The following STEAP1 variants were observed in gnomAD, a reference collection of about 807,000 sequenced individuals.
STEAP1 encodes the protein STEAP family member 1.
STEAP1 carries 30 observed loss-of-function variants against 34.4 expected under a neutral mutation model. The ratio of observed to expected loss-of-function variants is 0.87; its 90% CI spans 0.65 to 1.18. The LOEUF is 1.18. Among genes scored for constraint, STEAP1 ranks in the 50% most tolerant of loss-of-function variants. The pLI is 0.00. For missense variants in STEAP1, 318 were observed against 391.1 expected, an observed-to-expected ratio of 0.81 and a Z score of 1.58; for synonymous variants, 116 against 135.3, an observed-to-expected ratio of 0.86 and a Z score of 0.99.
rs772759291 is a variant in STEAP1, at chr7:90,161,040, A to G, written c.320A>G (p.Tyr107Cys). The change falls in exon 3 of 5, where the codon TAT (tyrosine) becomes TGT (cysteine). Residue 107 changes from tyrosine to cysteine, a missense_variant. Transcript: ENST00000297205. Reference protein sequence around the residue: ...PLATSHQQYFYKIPILVINKV... With the variant: ...PLATSHQQYFCKIPILVINKV... ...GCAACTTCCCATCAACAATATTTTT[A>G]TAAAATTCCAATCCTGGTCATCAAC... The G allele has an allele frequency of 7.4e-6, 12 of 1,614,008 alleles. 1 individual carries two copies. In the South Asian group the frequency reaches 9.9e-5, roughly 13 times the overall value.
intron 1 of STEAP1, among the ~76,000 whole-genome samples, chr7:90,156,433 G>T (rs1196236758): frequency 6.6e-6 from 1 of 152,186 alleles, no homozygotes; most frequent in Non-Finnish European, 1.5e-5. Context: ...TGTCACGTTA[G>T]TGCAGGGGTA....
At position 90,161,306 on chromosome 7, in the gene STEAP1, G is replaced by T. The variant is rs201507772; in HGVS notation, c.586G>T (p.Ala196Ser). The T allele has an allele frequency of 1.2e-6, 2 of 1,611,944 alleles. No individual in the cohort carries two copies. Among genetic ancestry groups the T allele is most frequent in the African/African-American group, 1.3e-5 (1 of 74,796 alleles). ...CTACAGATACAAGTTGCTAAACTGG[G>T]CATATCAACAGGTAAGATGACAGTG... ...RSYRYKLLNW[A>S]YQQVQQNKED... The change falls in exon 3 of 5, where the codon GCA (alanine) becomes TCA (serine). Residue 196 changes from alanine to serine, a missense_variant. Ala to Ser is a moderately conservative substitution (Grantham distance 99). Coordinates refer to ENST00000297205, the MANE Select transcript of STEAP1 (RefSeq NM_012449.3).
chr7:90,164,177 A>G (rs1031686345), intron 4 of STEAP1, among the ~76,000 whole-genome samples: 4 of 152,200 alleles, frequency 2.6e-5, no homozygotes, highest in African/African-American at 9.7e-5. Context: ...AAAAATAAAT[A>G]TCATAAGGGG....
chr7:90,158,438 T>C (rs1249983191), intron 1 of STEAP1, among the ~76,000 whole-genome samples: 2 of 152,212 alleles, frequency 1.3e-5, no homozygotes, highest in Non-Finnish European at 2.9e-5. Flanking sequence ...AAGCTTTTTT[T>C]CTATTTCTAA....
At chr7:90,160,109 C>A (rs1794164797) in intron 2 of STEAP1, among the ~76,000 whole-genome samples, 1 of 151,806 alleles carries the variant, frequency 6.6e-6, no homozygotes, top group Non-Finnish European at 1.5e-5. Context: ...TACTGAAAAT[C>A]TGGGGTCTTA....
At position 90,161,046 on chromosome 7, in the gene STEAP1, T is replaced by C; in HGVS notation, c.326T>C (p.Ile109Thr). 6.2e-7 allele frequency: 1 copy of C among 1,614,012 alleles called. No homozygotes were observed. The highest frequency in any genetic ancestry group is 8.5e-7 in the Non-Finnish European group (1 of 1,179,858). The change falls in exon 3 of 5, where the codon ATT becomes ACT. Residue 109 changes from isoleucine to threonine, a missense_variant. Transcript: ENST00000297205. Reference protein sequence around the residue: ...ATSHQQYFYKIPILVINKVLP... With the variant: ...ATSHQQYFYKTPILVINKVLP... ...TCCCATCAACAATATTTTTATAAAA[T>C]TCCAATCCTGGTCATCAACAAAGTC... is the stretch of plus-strand genomic sequence containing the variant.
intron 4 of STEAP1, among the ~76,000 whole-genome samples, chr7:90,163,622 C>T (rs1357881291): frequency 3.3e-5 from 5 of 152,110 alleles, no homozygotes; most frequent in Admixed American, 6.6e-5. Flanking sequence ...CTTAAGAATG[C>T]GCCTGAATAA....
chr7:90,161,802 A>C, intron 3 of STEAP1, 112 bp from the exon 4 acceptor site: 1 of 1,431,224 alleles, frequency 7.0e-7, no homozygotes, highest in Non-Finnish European at 9.2e-7. Flanking sequence ...AAATTTGTGG[A>C]GACCTGTTAT....
Position 90,164,796 on chromosome 7 carries a change from T to C in STEAP1, c.*62T>C, listed in dbSNP as rs1794234070. 2 of 1,426,080 alleles carry C rather than the reference T, an allele frequency of 1.4e-6. No individual in the cohort carries two copies. Among genetic ancestry groups the C allele is most frequent in the Non-Finnish European group, 1.9e-6 (2 of 1,070,268 alleles). The allele number at this position is 1,426,080 out of a possible 1,614,324, so 88.3% of individuals were successfully genotyped here. Reference sequence around the variant, plus strand: ...ATATTTTATCACCAACATTTCAAGTTTGTATTTGTTAATAAAATGATTATT... The same window carrying C: ...ATATTTTATCACCAACATTTCAAGTCTGTATTTGTTAATAAAATGATTATT... On this transcript the variant is annotated 3_prime_UTR_variant, in exon 5 of 5. Coordinates refer to ENST00000297205, the MANE Select transcript of STEAP1 (RefSeq NM_012449.3).
In STEAP1 at chr7:90,164,708, A is replaced by G; in HGVS notation, c.994A>G (p.Lys332Glu). 1 of 1,612,954 alleles carries G rather than the reference A, an allele frequency of 6.2e-7. No individual in the cohort carries two copies. ...TTGGGAAGACGTCACCAAAATTAACAAAACTGAGATATGTTCCCAGTTGTA... is the reference window on the plus strand; with the variant it reads ...TTGGGAAGACGTCACCAAAATTAACGAAACTGAGATATGTTCCCAGTTGTA... ...HGWEDVTKIN[K>E]TEICSQL Residue 332 changes from lysine to glutamate, a missense_variant, in exon 5 of 5, where the codon AAA becomes GAA. Transcript: ENST00000297205.
At chr7:90,157,828 T>C (rs1196959805) in intron 1 of STEAP1, among the ~76,000 whole-genome samples, 1 of 152,224 alleles carries the variant, frequency 6.6e-6, no homozygotes, top group African/African-American at 2.4e-5. Context: ...TTAAGAACAG[T>C]CATGTCTCTT....
intron 1 of STEAP1, among the ~76,000 whole-genome samples, chr7:90,157,542 G>GT (rs2115957470): frequency 6.6e-6 from 1 of 152,292 alleles, no homozygotes; most frequent in East Asian, 1.9e-4. Context: ...ACCCACTTCT[G>GT]TGACCAGGGA....
Position 90,164,651 on chromosome 7 carries a change from T to G in STEAP1, c.937T>G (p.Leu313Val). The change falls in exon 5 of 5, where the codon TTG (leucine) becomes GTG (valine). Residue 313 changes from leucine to valine, a missense_variant. Transcript: ENST00000297205. ...TAAAAGCATACTATTCCTGCCATGC[T>G]TGAGGAAGAAGATACTGAAGATTAG... is the stretch of plus-strand genomic sequence containing the variant. The part of the protein sequence containing the change: ...IFKSILFLPC[L>V]RKKILKIRHG... The G allele has an allele frequency of 6.2e-7, 1 of 1,613,790 alleles. No individual in the cohort carries two copies. The highest frequency in any genetic ancestry group is 8.5e-7 in the Non-Finnish European group (1 of 1,179,826).
intron 1 of STEAP1, among the ~76,000 whole-genome samples, chr7:90,158,643 C>T (rs1252790537): frequency 6.6e-6 from 1 of 152,142 alleles, no homozygotes; most frequent in Non-Finnish European, 1.5e-5. Context: ...TTCTGGAAGA[C>T]CTCCTGAAGG....
At chr7:90,155,775 C>T (rs1584191401) in intron 1 of STEAP1, among the ~76,000 whole-genome samples, 1 of 152,170 alleles carries the variant, frequency 6.6e-6, no homozygotes, top group East Asian at 1.9e-4. Context: ...GTGTGGTCTC[C>T]TTACCATGCA....
chr7:90,159,875 A>C lies in STEAP1; in HGVS notation c.84+3A>C. ...ATTTAGAAGAAGACGATTATTTGGT[A>C]AAATATTAATAATAACAATAATAAA... On this transcript the variant is annotated splice_donor_region_variant and intron_variant, in intron 2 of 4. Transcript: ENST00000297205. 1 of 1,488,332 alleles carries C rather than the reference A, an allele frequency of 6.7e-7. No individual in the cohort carries two copies. The highest frequency in any genetic ancestry group is 9.0e-7 in the Non-Finnish European group (1 of 1,106,180). 92.2% of individuals were successfully genotyped at this position (1,488,332 alleles called of 1,614,324 possible). A position where few individuals can be genotyped will look rare whatever the true frequency, so the allele number is the denominator to read the frequency against.
Position 90,159,881 on chromosome 7 carries a change from TTAA to T in STEAP1, c.84+16_84+18del, listed in dbSNP as rs763768564. ...AAGAAGACGATTATTTGGTAAAATA[TTAA>T]TAATAACAATAATAAATAATAATTT... On this transcript the variant is annotated intron_variant, in intron 2 of 4. Coordinates refer to ENST00000297205, the MANE Select transcript of STEAP1 (RefSeq NM_012449.3). 14 of 1,466,596 alleles carry T rather than the reference TTAA, an allele frequency of 9.5e-6. No individual in the cohort carries two copies. Among genetic ancestry groups the T allele is most frequent in the East Asian group, 7.2e-5 (3 of 41,818 alleles). 90.8% of individuals were successfully genotyped at this position (1,466,596 alleles called of 1,614,324 possible).
chr7:90,164,801 T>C lies in STEAP1; in HGVS notation c.*67T>C. ...TTATCACCAACATTTCAAGTTTGTATTTGTTAATAAAATGATTATTCAAGG... is the reference window on the plus strand; with the variant it reads ...TTATCACCAACATTTCAAGTTTGTACTTGTTAATAAAATGATTATTCAAGG... On this transcript the variant is annotated 3_prime_UTR_variant, in exon 5 of 5. Transcript: ENST00000297205. 1 of 1,412,134 alleles carries C rather than the reference T, an allele frequency of 7.1e-7. No individual in the cohort carries two copies. Among genetic ancestry groups the C allele is most frequent in the Non-Finnish European group, 9.4e-7 (1 of 1,060,416 alleles). 87.5% of individuals were successfully genotyped at this position (1,412,134 alleles called of 1,614,324 possible).
intron 4 of STEAP1, chr7:90,162,944 G>T (rs1407376668): frequency 6.0e-6 from 2 of 334,700 alleles, no homozygotes; most frequent in Non-Finnish European, 1.4e-5. Context: ...AAATATCTCA[G>T]ATTTACTGAG....
Sources: allele counts gnomAD v4.1 joint callset (sites outside exome capture counted in the v4.1 genomes callset), GRCh38; gene constraint gnomAD v4.1.1; transcripts MANE v1.5; gene names NCBI Gene and HGNC (gene_info 2026-07-23, HGNC 2026-07-21).